CCDC149: variants seen among roughly 807,000 people sequenced by gnomAD.
CCDC149 encodes coiled-coil domain-containing protein 149.
In CCDC149, 45 loss-of-function variants were observed where a neutral mutation model predicts 59.9. The observed-to-expected ratio is 0.75, with a 90% CI of 0.59 to 0.96. The LOEUF is 0.96. Ranked by LOEUF, CCDC149 falls within the 40% of genes least tolerant of loss-of-function variation. The pLI is 0.00. For missense variants in CCDC149, 584 were observed against 664.7 expected (o/e 0.88, Z 1.33); for synonymous variants, 245 against 260.6 (o/e 0.94, Z 0.58).
At chr4:24,820,202 T>C (rs546603821) in intron 11 of CCDC149, 9 of 472,574 alleles carry the variant, frequency 1.9e-5, no homozygotes, top group East Asian at 1.1e-4. Context: ...TAATTTAGTA[T>C]TGAATTATAG....
intron 1 of CCDC149, among the ~76,000 whole-genome samples, chr4:24,962,436 T>C (rs1723661554): frequency 6.6e-6 from 1 of 152,218 alleles, no homozygotes; most frequent in South Asian, 2.1e-4. Context: ...AGAAATACCA[T>C]TTGACCTAGC....
rs1006897325 is a variant in CCDC149, at chr4:24,837,856, T to C, written c.489+300A>G. 5.9e-5 allele frequency among the ~76,000 whole-genome samples: 9 copies of C among 152,240 alleles called. No homozygotes were observed. Among genetic ancestry groups the C allele is most frequent in the South Asian group, 2.1e-4 (1 of 4,832 alleles). On this transcript the variant is annotated intron_variant, in intron 5 of 12. Transcript: ENST00000635206. The surrounding 1 kb of genome is among the most constrained non-coding windows in gnomAD (Gnocchi z 4.3). Reference sequence around the variant, plus strand: ...CACTGCTCAGCATTTTAGCAGAAACTTGCAAAGTAAGGCCAGTTTGTCACG... The same window carrying C: ...CACTGCTCAGCATTTTAGCAGAAACCTGCAAAGTAAGGCCAGTTTGTCACG...
intron 1 of CCDC149, among the ~76,000 whole-genome samples, chr4:24,959,657 A>C (rs1723580538): frequency 6.6e-6 from 1 of 152,228 alleles, no homozygotes; most frequent in African/African-American, 2.4e-5. Flanking sequence ...GCAGCCAGAG[A>C]GTAAGACGTT....
intron 1 of CCDC149, among the ~76,000 whole-genome samples, chr4:24,911,673 A>T (rs964818811): frequency 6.6e-6 from 1 of 152,170 alleles, no homozygotes; most frequent in African/African-American, 2.4e-5. Context: ...CAACTACTAG[A>T]CCAATGCTGA....
chr4:24,896,593 C>T (rs1487439785), intron 1 of CCDC149, among the ~76,000 whole-genome samples: 1 of 151,508 alleles, frequency 6.6e-6, no homozygotes, highest in East Asian at 2.0e-4. Context: ...AATGATTTCC[C>T]ACCCACAGCC....
At chr4:24,947,519 T>A (rs1025668617) in intron 1 of CCDC149, among the ~76,000 whole-genome samples, 2 of 152,132 alleles carry the variant, frequency 1.3e-5, no homozygotes, top group African/African-American at 4.8e-5. Context: ...GACTAATACA[T>A]GTAGAGAACT....
intron 1 of CCDC149, among the ~76,000 whole-genome samples, chr4:24,939,978 A>G (rs1202037009): frequency 6.6e-6 from 1 of 152,256 alleles, no homozygotes; most frequent in Non-Finnish European, 1.5e-5. Context: ...TTTGCAGGAT[A>G]TTATCCAGGA....
chr4:24,815,951 T>C (rs1237817460), intron 12 of CCDC149, among the ~76,000 whole-genome samples: 1 of 152,114 alleles, frequency 6.6e-6, no homozygotes, highest in Non-Finnish European at 1.5e-5. Context: ...CTGTTTACTT[T>C]TTCTGAGAAA....
intron 1 of CCDC149, among the ~76,000 whole-genome samples, chr4:24,947,977 T>C (rs1723167396): frequency 6.6e-6 from 1 of 152,128 alleles, no homozygotes; most frequent in African/African-American, 2.4e-5. Flanking sequence ...AATATAACAG[T>C]GACTTCGAGT....
At chr4:24,940,833 C>T (rs777675677) in intron 1 of CCDC149, among the ~76,000 whole-genome samples, 8 of 152,154 alleles carry the variant, frequency 5.3e-5, no homozygotes, top group Non-Finnish European at 1.0e-4. Flanking sequence ...ATCAATTCAA[C>T]GAGAAGAACT....
intron 1 of CCDC149, among the ~76,000 whole-genome samples, chr4:24,970,080 T>C (rs1484589951): frequency 6.6e-6 from 1 of 152,192 alleles, no homozygotes; most frequent in African/African-American, 2.4e-5. Context: ...CAAAAACCCT[T>C]GGTGGCTGCA....
intron 8 of CCDC149, among the ~76,000 whole-genome samples, chr4:24,833,108 C>T (rs1269562979): frequency 6.6e-6 from 1 of 151,644 alleles, no homozygotes; most frequent in South Asian, 2.1e-4. Flanking sequence ...TTTAAAAGCA[C>T]TCTTCAAAGG....
rs541723367 is a variant in CCDC149, at chr4:24,849,857, C to A, written c.372+3215G>T. On this transcript the variant is annotated intron_variant, in intron 4 of 12. Coordinates refer to ENST00000635206, the MANE Select transcript of CCDC149 (RefSeq NM_001330643.2). ...CCTGCTGTTTGGCCTCAGAGTTAGG[C>A]GTCCAAAAACAGCAATTATTAAGTA... Among the ~76,000 whole-genome samples the A allele has an allele frequency of 1.1e-4, 17 of 152,284 alleles. No homozygotes were observed. In the East Asian group the frequency reaches 3.3e-3, roughly 29 times the overall value.
At chr4:24,824,340 G>C (rs574407509) in intron 9 of CCDC149, among the ~76,000 whole-genome samples, 1 of 152,282 alleles carries the variant, frequency 6.6e-6, no homozygotes, top group South Asian at 2.1e-4. Flanking sequence ...GCTGGAGGTA[G>C]TAAAATGGAC....
At chr4:24,956,717 C>T (rs1345011991) in intron 1 of CCDC149, among the ~76,000 whole-genome samples, 3 of 152,214 alleles carry the variant, frequency 2.0e-5, no homozygotes, top group South Asian at 2.1e-4. Flanking sequence ...CAGGCCATGA[C>T]ATTTCATCCA....
chr4:24,922,918 CT>C (rs1032301372), intron 1 of CCDC149, among the ~76,000 whole-genome samples: 169 of 148,162 alleles, frequency 1.1e-3, no homozygotes, highest in African/African-American at 2.4e-3. Context: ...CTTAGATTTT[CT>C]TTTTTTTTTA....
At chr4:24,957,491 C>T (rs919821208) in intron 1 of CCDC149, among the ~76,000 whole-genome samples, 1 of 152,146 alleles carries the variant, frequency 6.6e-6, no homozygotes, top group Non-Finnish European at 1.5e-5. Flanking sequence ...TAGTACAATC[C>T]CATTCAGGTA....
At chr4:24,960,806 C>T (rs897433176) in intron 1 of CCDC149, among the ~76,000 whole-genome samples, 3 of 152,122 alleles carry the variant, frequency 2.0e-5, no homozygotes, top group Non-Finnish European at 4.4e-5. Context: ...AAAATTACAG[C>T]TGGAAATATC....
At chr4:24,930,982 G>A (rs1328283629) in intron 1 of CCDC149, among the ~76,000 whole-genome samples, 1 of 152,090 alleles carries the variant, frequency 6.6e-6, no homozygotes, top group Non-Finnish European at 1.5e-5. Context: ...CCTGCTTGGT[G>A]TAATTATTCC....
Sources: gnomAD v4.1 joint callset for allele counts (sites outside exome capture counted in the v4.1 genomes callset) on GRCh38, gnomAD v4.1.1 for gene constraint, Gnocchi (gnomAD v3.1) non-coding constraint, MANE v1.5 for transcripts, NCBI Gene and HGNC (gene_info 2026-07-23, HGNC 2026-07-21) for gene names.